The following EPHA10 variants were observed in gnomAD, a reference collection of about 807,000 sequenced individuals.
The protein encoded by EPHA10 is ephrin type-A receptor 10.
Under a neutral mutation model 109.7 loss-of-function variants are expected in EPHA10, and 120 were observed. The ratio of observed to expected loss-of-function variants is 1.09; its 90% CI spans 0.94 to 1.27. The LOEUF is 1.27. Ranked by LOEUF, EPHA10 falls within the 50% of genes most tolerant of loss-of-function variation. The probability of loss-of-function intolerance (pLI) is 0.00; values close to 1 mark genes in which losing one functional copy is unlikely to be tolerated. For missense variants in EPHA10, 1,396 were observed against 1,411.1 expected, an observed-to-expected ratio of 0.99 and a Z score of 0.17; for synonymous variants, 640 against 618.9, an observed-to-expected ratio of 1.03 and a Z score of -0.51.
At chr1:37,731,307 ACAGATAACTC>A (rs1391332223) in intron 7 of EPHA10, 94 bp downstream of exon 7, 2 of 1,288,292 alleles carry the variant, frequency 1.6e-6, no homozygotes, top group African/African-American at 1.5e-5. Flanking sequence ...CCTTCATTGC[ACAGATAACTC>A]CAGATAACTC....
intron 5 of EPHA10, among the ~76,000 whole-genome samples, chr1:37,751,704 T>G (rs368254320): frequency 6.7e-5 from 10 of 149,844 alleles, no homozygotes; most frequent in African/African-American, 2.2e-4. Context: ...AAACCCCGTC[T>G]CTACTAAAAA....
In EPHA10 at chr1:37,723,100, T is replaced by C. The variant is rs372083125; in HGVS notation, c.1901A>G (p.His634Arg). 3.1e-6 allele frequency: 5 copies of C among 1,614,084 alleles called. No individual in the cohort carries two copies. Among genetic ancestry groups the C allele is most frequent in the African/African-American group, 1.3e-5 (1 of 74,932 alleles). ...QSCGDLLQAV[H>R]LFAKELDAKS... ...CGCATCCAGTTCCTTGGCGAACAGA[T>C]GCACAGCCTGCAGCAGGTCCCCACA... is the stretch of plus-strand genomic sequence containing the variant. The change falls in exon 10 of 17, where the codon CAT becomes CGT. Residue 634 changes from histidine (H) to arginine (R), a missense_variant. Transcript: ENST00000373048.
chr1:37,719,751 A>G (rs1223576968), intron 14 of EPHA10, 144 bp from the exon 15 acceptor site: 1 of 1,412,970 alleles, frequency 7.1e-7, no homozygotes, highest in Non-Finnish European at 9.8e-7. Flanking sequence ...CACACACCCA[A>G]GGAAGCCTGG....
At chr1:37,762,213 G>C in intron 2 of EPHA10, 130 bp from the exon 3 acceptor site, 1 of 865,848 alleles carries the variant, frequency 1.2e-6, no homozygotes, top group South Asian at 1.8e-5. Flanking sequence ...TGCAGCGCTG[G>C]GAGAAACTTT....
chr1:37,735,200 A>C lies in EPHA10; in HGVS notation c.1491+57T>G, dbSNP rs1444607623. 5.8e-6 allele frequency: 9 copies of C among 1,549,748 alleles called. No individual in the cohort carries two copies. In the South Asian group the frequency reaches 8.3e-5, roughly 14 times the overall value. ...CTGGGAGGATGGCCTGAAGAACCAG[A>C]AGCCCTGCGGGACAGGTGCGGGGCA... On this transcript the variant is annotated intron_variant, in intron 6 of 16. Transcript: ENST00000373048.
intron 6 of EPHA10, among the ~76,000 whole-genome samples, chr1:37,732,161 A>G (rs974261074): frequency 6.6e-5 from 10 of 152,188 alleles, no homozygotes; most frequent in Non-Finnish European, 1.2e-4. Flanking sequence ...ATCACTGATG[A>G]GCGCCTACTC....
chr1:37,721,852 G>T lies in EPHA10; in HGVS notation c.1961-7C>A. 6.4e-7 allele frequency: 1 copy of T among 1,567,862 alleles called. No individual in the cohort carries two copies. The highest frequency in any genetic ancestry group is 1.2e-5 in the South Asian group (1 of 86,080). ...CACAGCTCCCCAAACCGCCCTGTGG[G>T]GAAACAGCACCTCAGATACCGCCAG... On this transcript the variant is annotated splice_polypyrimidine_tract_variant and splice_region_variant and intron_variant, in intron 10 of 16. Coordinates refer to ENST00000373048, the MANE Select transcript of EPHA10 (RefSeq NM_001099439.2).
rs1646421208 is a variant in EPHA10, at chr1:37,760,480, T to G, written c.850+925A>C. The G allele has an allele frequency of 4.8e-6, 5 of 1,049,908 alleles. No homozygotes were observed. In the African/African-American group the frequency reaches 8.3e-5, roughly 17 times the overall value. 65.0% of individuals were successfully genotyped at this position (1,049,908 alleles called of 1,614,324 possible). A position where few individuals can be genotyped will look rare whatever the true frequency, so the allele number is the denominator to read the frequency against. ...TTGTAGTTCAGAGAGTGGGATGTGA[T>G]CTTCGTAATCATCTAGTGCAACTTC... On this transcript the variant is annotated intron_variant, in intron 3 of 16. Transcript: ENST00000373048.
chr1:37,718,882 G>A (rs1240263790), intron 15 of EPHA10, 66 bp from the exon 16 acceptor site: 20 of 1,522,926 alleles, frequency 1.3e-5, no homozygotes, highest in African/African-American at 9.6e-5. Context: ...GTGGTCTCCC[G>A]GGGAGAGGCC....
In EPHA10 at chr1:37,735,309, G is replaced by A. The variant is rs775852618; in HGVS notation, c.1439C>T (p.Ala480Val). 9 of 1,560,126 alleles carry A rather than the reference G, an allele frequency of 5.8e-6. No homozygotes were observed. The African/African-American group carries it at 1.2e-4, about 21-fold the overall frequency. Residue 480 changes from alanine to valine, a missense_variant, in exon 6 of 17, where the codon GCC becomes GTC. By Grantham distance (64) the Ala-to-Val change is moderately conservative. Coordinates refer to ENST00000373048, the MANE Select transcript of EPHA10 (RefSeq NM_001099439.2). ...CGTGTCATTGGCCCCAGGGGCTCCGGCAGGGATGGGCTCCCGCCACGACAG... is the reference window on the plus strand; with the variant it reads ...CGTGTCATTGGCCCCAGGGGCTCCGACAGGGATGGGCTCCCGCCACGACAG... ...VSLSWREPIP[A>V]GAPGANDTEY...
At chr1:37,741,813 T>A (rs1378583565) in intron 5 of EPHA10, among the ~76,000 whole-genome samples, 1 of 150,032 alleles carries the variant, frequency 6.7e-6, no homozygotes, top group Non-Finnish European at 1.5e-5. Flanking sequence ...GCCAGCACTC[T>A]ACTGCAGAGC....
intron 11 of EPHA10, 61 bp from the exon 12 acceptor site, chr1:37,720,905 G>A: frequency 1.3e-6 from 2 of 1,568,308 alleles, no homozygotes; most frequent in Non-Finnish European, 1.8e-6. Flanking sequence ...ACGCACACAA[G>A]TTTCCCCCCC....
chr1:37,754,515 G>A lies in EPHA10; in HGVS notation c.851-145C>T. ...CAGCCACTCCAGTCAGCACTGCCCC[G>A]TGGAGTGACTCCTGAACAACCCATT... On this transcript the variant is annotated intron_variant, in intron 3 of 16. Transcript: ENST00000373048. The surrounding 1 kb of genome is among the most constrained non-coding windows in gnomAD (Gnocchi z 4.5). 3 of 690,418 alleles carry A rather than the reference G, an allele frequency of 4.3e-6. No homozygotes were observed. Among genetic ancestry groups the A allele is most frequent in the Non-Finnish European group, 6.1e-6 (3 of 491,044 alleles). 42.8% of individuals were successfully genotyped at this position (690,418 alleles called of 1,614,324 possible). A position where few individuals can be genotyped will look rare whatever the true frequency, so the allele number is the denominator to read the frequency against.
rs1280925536 is a variant in EPHA10 at position 37,764,856 on chromosome 1, TAC to T, written c.106+103_106+104del. ...GCTGCCTGCTTGCTTCAAGCCCCAATACAGACTCTAGTCTCTCCAATGACTCC... is the reference window on the plus strand; with the variant it reads ...GCTGCCTGCTTGCTTCAAGCCCCAATAGACTCTAGTCTCTCCAATGACTCC... On this transcript the variant is annotated intron_variant, in intron 1 of 16. Transcript: ENST00000373048. This position sits in a 1 kb window ranked among gnomAD's most constrained non-coding sequence, Gnocchi z 5.8. 2 of 1,010,874 alleles carry T rather than the reference TAC, an allele frequency of 2.0e-6. No homozygotes were observed. The highest frequency in any genetic ancestry group is 3.2e-5 in the African/African-American group (2 of 61,898). 62.6% of individuals were successfully genotyped at this position (1,010,874 alleles called of 1,614,324 possible). A position where few individuals can be genotyped will look rare whatever the true frequency, so the allele number is the denominator to read the frequency against.
chr1:37,728,647 G>A (rs1645933241), intron 7 of EPHA10, among the ~76,000 whole-genome samples: 1 of 152,160 alleles, frequency 6.6e-6, no homozygotes, highest in Admixed American at 6.5e-5. Flanking sequence ...GGGCTGGATA[G>A]AGATGGGTGT....
chr1:37,717,264 T>C lies in EPHA10; in HGVS notation c.*1108A>G, dbSNP rs945128094. 22 of 232,784 alleles carry C rather than the reference T, an allele frequency of 9.5e-5. No homozygotes were observed. The highest frequency in any genetic ancestry group is 4.4e-4 in the African/African-American group (20 of 45,438). The allele number at this position is 232,784 out of a possible 1,614,324, so 14.4% of individuals were successfully genotyped here. A position where few individuals can be genotyped will look rare whatever the true frequency, so the allele number is the denominator to read the frequency against. On this transcript the variant is annotated 3_prime_UTR_variant, in exon 17 of 17. Transcript: ENST00000373048. Reference sequence around the variant, plus strand: ...AAAGTCAGAGCAGGGAGGGGCTCCATGGAAGGCTGGGTAGTGCCCAAGGCA... The same window carrying C: ...AAAGTCAGAGCAGGGAGGGGCTCCACGGAAGGCTGGGTAGTGCCCAAGGCA...
At position 37,761,814 on chromosome 1, in the gene EPHA10, G is replaced by C; in HGVS notation, c.441C>G (p.Ser147Arg). The change falls in exon 3 of 17, where the codon AGC (serine) becomes AGG (arginine). Residue 147 changes from serine (S) to arginine (R), a missense_variant. Physicochemically the swap from Ser to Arg is moderately radical, Grantham distance 110 (BLOSUM62 -1). Transcript: ENST00000373048. ...LGRGRPRLGG[S>R]RPRKIDTIAA... Reference sequence around the variant, plus strand: ...CGATCGTGTCGATTTTGCGGGGCCGGCTGCCGCCTAGGCGGGGACGCCCAC... The same window carrying C: ...CGATCGTGTCGATTTTGCGGGGCCGCCTGCCGCCTAGGCGGGGACGCCCAC... 6.2e-7 allele frequency: 1 copy of C among 1,613,578 alleles called. No homozygotes were observed. The highest frequency in any genetic ancestry group is 8.5e-7 in the Non-Finnish European group (1 of 1,179,708).
chr1:37,739,737 G>C (rs904291448), intron 5 of EPHA10, among the ~76,000 whole-genome samples: 2 of 151,186 alleles, frequency 1.3e-5, no homozygotes, highest in Non-Finnish European at 2.9e-5. Context: ...GTTGCCAGGG[G>C]AGGGTGGTGG....
rs745491585 is a variant in EPHA10 at position 37,718,748 on chromosome 1, A to G, written c.2825T>C (p.Leu942Pro). Residue 942 changes from leucine (L) to proline (P), a missense_variant, in exon 16 of 17, where the codon CTG becomes CCG. Transcript: ENST00000373048. The part of the protein sequence containing the change: ...FPSFGSVGAW[L>P]EALDLCRYKD... Reference sequence around the variant, plus strand: ...GTAGCGGCACAGGTCCAGGGCCTCCAGCCACGCGCCCACAGAGCCAAAGGA... The same window carrying G: ...GTAGCGGCACAGGTCCAGGGCCTCCGGCCACGCGCCCACAGAGCCAAAGGA... 1 of 1,613,032 alleles carries G rather than the reference A, an allele frequency of 6.2e-7. No individual in the cohort carries two copies. Among genetic ancestry groups the G allele is most frequent in the African/African-American group, 1.3e-5 (1 of 74,946 alleles).
Sources: gnomAD v4.1 joint callset for allele counts (sites outside exome capture counted in the v4.1 genomes callset) on GRCh38, gnomAD v4.1.1 for gene constraint, Gnocchi (gnomAD v3.1) non-coding constraint, MANE v1.5 for transcripts, NCBI Gene and HGNC (gene_info 2026-07-23, HGNC 2026-07-21) for gene names.